PCDH9: variants seen among roughly 807,000 people sequenced by gnomAD.
PCDH9 encodes protocadherin-9.
Under a neutral mutation model 70.6 loss-of-function variants are expected in PCDH9, and 24 were observed. That is an observed-to-expected ratio of 0.34 (90% CI 0.25 to 0.48). PCDH9 has a LOEUF of 0.48. Ranked by LOEUF, PCDH9 falls within the 20% of genes least tolerant of loss-of-function variation. The probability of loss-of-function intolerance (pLI) is 0.99; values close to 1 mark genes in which losing one functional copy is unlikely to be tolerated. For synonymous variants in PCDH9, 562 were observed against 558.5 expected (o/e 1.01, Z -0.09); for missense variants, 1,281 against 1,503.6 (o/e 0.85, Z 2.45).
chr13:67,042,382 C>G (rs981192488), intron 2 of PCDH9, among the ~76,000 whole-genome samples: 2 of 152,080 alleles, frequency 1.3e-5, no homozygotes, highest in African/African-American at 4.8e-5. Flanking sequence ...CTTCACAAGG[C>G]AGCAGGAAGG....
Position 67,075,979 on chromosome 13 carries a change from C to T in PCDH9, c.3036+149426G>A, listed in dbSNP as rs560998763. On this transcript the variant is annotated intron_variant, in intron 2 of 4. Transcript: ENST00000377865. ...ATATTGGAATGCAGTGATATGAGTA[C>T]ATTATTAGATTTAGTTTTCATACCA... Among the ~76,000 whole-genome samples the T allele has an allele frequency of 2.0e-5, 3 of 152,124 alleles. No homozygotes were observed. In the East Asian group the frequency reaches 5.8e-4, roughly 29 times the overall value.
In PCDH9 at chr13:66,325,079, A is replaced by T. The variant is rs1032638526; in HGVS notation, c.3341-20051T>A. The stretch of plus-strand genomic sequence containing the variant: ...GAATATCATTTATTATAGTAATAAT[A>T]TAGAAACAATATTTTTCACTAGAAA... On this transcript the variant is annotated intron_variant, in intron 4 of 4. Coordinates refer to ENST00000377865, the MANE Select transcript of PCDH9 (RefSeq NM_203487.3). Among the ~76,000 whole-genome samples the T allele has an allele frequency of 2.0e-5, 3 of 152,058 alleles. No individual in the cohort carries two copies. In the East Asian group the frequency reaches 5.8e-4, roughly 29 times the overall value.
chr13:66,676,053 A>G (rs192905615), intron 3 of PCDH9, among the ~76,000 whole-genome samples: 1 of 152,276 alleles, frequency 6.6e-6, no homozygotes, highest in East Asian at 1.9e-4. Flanking sequence ...ACATCCACAA[A>G]TAAGTGCTGT....
intron 3 of PCDH9, among the ~76,000 whole-genome samples, chr13:66,748,936 C>T (rs1397801419): frequency 6.6e-6 from 1 of 152,092 alleles, no homozygotes; most frequent in Non-Finnish European, 1.5e-5. Context: ...GTCCCCCACC[C>T]CATGCTGTTC....
rs1022751769 is a variant in PCDH9, at chr13:66,402,856, A to C, written c.3341-97828T>G. Among the ~76,000 whole-genome samples, 3 of 152,194 alleles carry C rather than the reference A, an allele frequency of 2.0e-5. No individual in the cohort carries two copies. In the South Asian group the frequency reaches 6.2e-4, roughly 31 times the overall value. ...AGATAATAAGCAAAAGTCAATGTAC[A>C]TTATGTCTCTAAGTGTTTTAAATAC... On this transcript the variant is annotated intron_variant, in intron 4 of 4. Transcript: ENST00000377865.
At chr13:66,348,022 G>T (rs1221133440) in intron 4 of PCDH9, among the ~76,000 whole-genome samples, 1 of 152,126 alleles carries the variant, frequency 6.6e-6, no homozygotes, top group African/African-American at 2.4e-5. Flanking sequence ...TTGGAGAATG[G>T]TATCACCTGA....
intron 3 of PCDH9, among the ~76,000 whole-genome samples, chr13:66,659,892 GA>G (rs2077985891): frequency 6.6e-6 from 1 of 152,112 alleles, no homozygotes; most frequent in Non-Finnish European, 1.5e-5. Context: ...GTTAACAGCA[GA>G]GTCAAGGATG....
intron 4 of PCDH9, among the ~76,000 whole-genome samples, chr13:66,423,846 A>C (rs915973345): frequency 6.6e-6 from 1 of 152,242 alleles, no homozygotes; most frequent in East Asian, 1.9e-4. Context: ...GGCAAGAGAA[A>C]GAAATAAAGG....
At chr13:67,026,328 C>T (rs1034876857) in intron 2 of PCDH9, among the ~76,000 whole-genome samples, 17 of 151,874 alleles carry the variant, frequency 1.1e-4, no homozygotes, top group Admixed American at 8.5e-4. Context: ...TGTCTCTGCC[C>T]GGCTTTGGTA....
intron 4 of PCDH9, among the ~76,000 whole-genome samples, chr13:66,613,145 C>T (rs2077313437): frequency 6.6e-6 from 1 of 152,144 alleles, no homozygotes; most frequent in Non-Finnish European, 1.5e-5. Context: ...AGCAGCGGCT[C>T]CCCTCCACTT....
chr13:66,782,315 C>T (rs1401049875), intron 3 of PCDH9, among the ~76,000 whole-genome samples: 1 of 152,000 alleles, frequency 6.6e-6, no homozygotes, highest in African/African-American at 2.4e-5. Flanking sequence ...TTTTCCTAGT[C>T]CAACAAAAGA....
intron 3 of PCDH9, among the ~76,000 whole-genome samples, chr13:66,782,980 G>C (rs930924485): frequency 2.0e-5 from 3 of 152,080 alleles, no homozygotes; most frequent in Non-Finnish European, 2.9e-5. Flanking sequence ...CCCATTGCAA[G>C]AAAACAAACT....
intron 4 of PCDH9, among the ~76,000 whole-genome samples, chr13:66,476,564 C>T (rs1958733862): frequency 6.6e-6 from 1 of 151,864 alleles, no homozygotes. Flanking sequence ...AGTATACATT[C>T]TCAATAGTGG....
At chr13:66,596,073 C>T (rs929523862) in intron 4 of PCDH9, among the ~76,000 whole-genome samples, 2 of 151,554 alleles carry the variant, frequency 1.3e-5, no homozygotes, top group Admixed American at 6.6e-5. Flanking sequence ...TCATTACAAA[C>T]AAAACCAGAA....
At chr13:67,162,799 T>G (rs1359919475) in intron 2 of PCDH9, among the ~76,000 whole-genome samples, 2 of 151,858 alleles carry the variant, frequency 1.3e-5, no homozygotes, top group Admixed American at 1.3e-4. Context: ...AGATAACTGT[T>G]GAATATACAA....
chr13:67,013,589 T>C (rs1257561602), intron 2 of PCDH9, among the ~76,000 whole-genome samples: 1 of 151,960 alleles, frequency 6.6e-6, no homozygotes, highest in Non-Finnish European at 1.5e-5. Context: ...TATTTAAATA[T>C]ATCATTGAAA....
At chr13:66,779,873 A>ATATGTGTGTG (rs375882917) in intron 3 of PCDH9, among the ~76,000 whole-genome samples, 8 of 115,872 alleles carry the variant, frequency 6.9e-5, no homozygotes, top group East Asian at 2.4e-4. Context: ...ATATACATAT[A>ATATGTGTGTG]TGTGTGTGTG....
chr13:66,344,867 G>A (rs1013365015), intron 4 of PCDH9, among the ~76,000 whole-genome samples: 2 of 152,188 alleles, frequency 1.3e-5, no homozygotes, highest in African/African-American at 4.8e-5. Context: ...CAGGACTGCT[G>A]ACACATGAAT....
rs544709522 is a variant in PCDH9 at position 66,708,211 on chromosome 13, G to A, written c.3139-76800C>T. 3.0e-4 allele frequency among the ~76,000 whole-genome samples: 46 copies of A among 150,986 alleles called. No homozygotes were observed. In the South Asian group the frequency reaches 8.8e-3, roughly 29 times the overall value. On this transcript the variant is annotated intron_variant, in intron 3 of 4. Coordinates refer to ENST00000377865, the MANE Select transcript of PCDH9 (RefSeq NM_203487.3). ...ACTACAGGCGCCCGCCACTACGCCC[G>A]GCTAATTTTTTGTATTTTTAGTAGA...
Sources: allele counts gnomAD v4.1 joint callset (sites outside exome capture counted in the v4.1 genomes callset), GRCh38; gene constraint gnomAD v4.1.1; transcripts MANE v1.5; gene names NCBI Gene and HGNC (gene_info 2026-07-23, HGNC 2026-07-21).